Variants in FIZ1 observed in about 807,000 individuals in gnomAD.
FIZ1 encodes the protein FLT3 interacting zinc finger 1, also known as flt3-interacting zinc finger protein 1.
Under a neutral mutation model 5.3 loss-of-function variants are expected in FIZ1, and 2 were observed. That is an observed-to-expected ratio of 0.37 (90% CI 0.15 to 1.18). FIZ1 has a LOEUF of 1.18. FIZ1 is among the 50% of genes most tolerant of loss of function. FIZ1 has a pLI of 0.37. For synonymous variants in FIZ1, 407 were observed against 364.2 expected, an observed-to-expected ratio of 1.12 and a Z score of -1.34; for missense variants, 631 against 749.7, an observed-to-expected ratio of 0.84 and a Z score of 1.85.
Position 55,593,770 on chromosome 19 carries a change from G to T in FIZ1, c.295-124C>A, listed in dbSNP as rs1200684618. The T allele has an allele frequency of 5.9e-6, 5 of 847,468 alleles. No homozygotes were observed. Among genetic ancestry groups the T allele is most frequent in the Non-Finnish European group, 9.4e-6 (5 of 531,746 alleles). 52.5% of individuals were successfully genotyped at this position (847,468 alleles called of 1,614,324 possible). Reference sequence around the variant, plus strand: ...CACACCTACAGGGCCATGATCTAGGGAAACGCTCGTCCTATCACTCTCTGT... The same window carrying T: ...CACACCTACAGGGCCATGATCTAGGTAAACGCTCGTCCTATCACTCTCTGT... On this transcript the variant is annotated intron_variant, in intron 2 of 2. Coordinates refer to ENST00000221665, the MANE Select transcript of FIZ1 (RefSeq NM_032836.3). The surrounding 1 kb of genome is among the most constrained non-coding windows in gnomAD (Gnocchi z 6.3).
At chr19:55,598,255 C>T (rs1414727610) in intron 1 of FIZ1, 3 of 224,284 alleles carry the variant, frequency 1.3e-5, no homozygotes, top group Admixed American at 5.0e-5. Context: ...CCTTCAAAGT[C>T]CCCCACAATG....
intron 2 of FIZ1, among the ~76,000 whole-genome samples, chr19:55,594,696 CA>C (rs71181796): frequency 0.16 from 13,556 of 86,480 alleles, 293 homozygotes; most frequent in Admixed American, 0.2. Flanking sequence ...GACTCTGTCT[CA>C]AAAAAAAAAA....
chr19:55,593,042 C>T lies in FIZ1; in HGVS notation c.899G>A (p.Gly300Asp). The T allele has an allele frequency of 7.1e-6, 10 of 1,403,144 alleles. No individual in the cohort carries two copies. The highest frequency in any genetic ancestry group is 3.1e-5 in the African/African-American group (2 of 65,160). The allele number at this position is 1,403,144 out of a possible 1,614,324, so 86.9% of individuals were successfully genotyped here. The stretch of plus-strand genomic sequence containing the variant: ...CAGCCCCCCGAGCTTGGGCACGCCG[C>T]CCCCCGCGGGGCCCAGGAGCAGCCT... ...DRRLLLGPAG[G>D]GVPKLGGLLP... Residue 300 changes from glycine to aspartate, a missense_variant, in exon 3 of 3, where the codon GGC becomes GAC. Coordinates refer to ENST00000221665, the MANE Select transcript of FIZ1 (RefSeq NM_032836.3). This position sits in a 1 kb window ranked among gnomAD's most constrained non-coding sequence, Gnocchi z 6.3.
chr19:55,592,935 C>A lies in FIZ1; in HGVS notation c.1006G>T (p.Gly336Trp). 6.4e-7 allele frequency: 1 copy of A among 1,556,688 alleles called. No individual in the cohort carries two copies. Among genetic ancestry groups the A allele is most frequent in the East Asian group, 2.4e-5 (1 of 40,860 alleles). Residue 336 changes from glycine (G) to tryptophan (W), a missense_variant, in exon 3 of 3, where the codon GGG becomes TGG. Transcript: ENST00000221665. This position sits in a 1 kb window ranked among gnomAD's most constrained non-coding sequence, Gnocchi z 6.9. Reference protein sequence around the residue: ...SEDTLYQCDCGTFFASAAALA... With the variant: ...SEDTLYQCDCWTFFASAAALA... ...GCCGCGGCCGACGCAAAGAAGGTCC[C>A]GCAGTCGCACTGGTACAGGGTGTCT...
Position 55,592,937 on chromosome 19 carries a change from C to A in FIZ1, c.1004G>T (p.Cys335Phe). 1 of 1,557,548 alleles carries A rather than the reference C, an allele frequency of 6.4e-7. No individual in the cohort carries two copies. The highest frequency in any genetic ancestry group is 8.6e-7 in the Non-Finnish European group (1 of 1,159,670). ...PSEDTLYQCD[C>F]GTFFASAAAL... ...CGCGGCCGACGCAAAGAAGGTCCCGCAGTCGCACTGGTACAGGGTGTCTTC... is the reference window on the plus strand; with the variant it reads ...CGCGGCCGACGCAAAGAAGGTCCCGAAGTCGCACTGGTACAGGGTGTCTTC... The change falls in exon 3 of 3, where the codon TGC (cysteine) becomes TTC (phenylalanine). Residue 335 changes from cysteine (C) to phenylalanine (F), a missense_variant. Physicochemically the swap from Cys to Phe is radical, Grantham distance 205. This residue lies in a region of FIZ1 where 463 missense variants were observed against 455.1 expected (regional missense o/e 1.02). Transcript: ENST00000221665. The surrounding 1 kb of genome is among the most constrained non-coding windows in gnomAD (Gnocchi z 6.9).
At chr19:55,597,999 A>G (rs1980414223) in intron 1 of FIZ1, 98 bp from the exon 2 acceptor site, 5 of 1,285,962 alleles carry the variant, frequency 3.9e-6, no homozygotes, top group Non-Finnish European at 4.2e-6. Flanking sequence ...CCCCTGGGAG[A>G]CCCTCCCACT....
chr19:55,597,818 A>T lies in FIZ1; in HGVS notation c.48T>A (p.Ala16=), dbSNP rs755425458. The part of the protein sequence containing the change: ...APTPAPAPPA[A]AAPRVPFHCS... ...AGTGAAACGGGACCCTGGGGGCGGC[A>T]GCGGCGGGCGGTGCTGGTGCAGGGG... is the stretch of plus-strand genomic sequence containing the variant. The change falls in exon 2 of 3, where the codon GCT becomes GCA. Residue 16 remains alanine (A), a synonymous_variant. Transcript: ENST00000221665. The T allele has an allele frequency of 5.0e-6, 8 of 1,610,494 alleles. No homozygotes were observed. The East Asian group carries it at 1.8e-4, about 36-fold the overall frequency.
chr19:55,599,108 T>G (rs920072642), intron 1 of FIZ1: 6 of 152,520 alleles, frequency 3.9e-5, no homozygotes, highest in Admixed American at 2.0e-4. Flanking sequence ...CCATTTTCTA[T>G]CCAGACTCTC....
chr19:55,597,832 C>T lies in FIZ1; in HGVS notation c.34G>A (p.Ala12Thr). 6.2e-7 allele frequency: 1 copy of T among 1,608,260 alleles called. No individual in the cohort carries two copies. Among genetic ancestry groups the T allele is most frequent in the South Asian group, 1.1e-5 (1 of 90,604 alleles). ...CTGGGGGCGGCAGCGGCGGGCGGTG[C>T]TGGTGCAGGGGTTGGGGCGGGGACG... ...DDVPAPTPAP[A>T]PPAAAAPRVP... Residue 12 changes from alanine (A) to threonine (T), a missense_variant, in exon 2 of 3, where the codon GCA becomes ACA. Transcript: ENST00000221665.
intron 2 of FIZ1, 68 bp downstream of exon 2, chr19:55,597,504 G>C: frequency 2.6e-6 from 4 of 1,534,100 alleles, no homozygotes; most frequent in Admixed American, 1.9e-5. Context: ...CCAGAGTACA[G>C]TGGGGCGCGG....
chr19:55,594,170 T>C (rs923325593), intron 2 of FIZ1, among the ~76,000 whole-genome samples: 2 of 150,698 alleles, frequency 1.3e-5, no homozygotes, highest in African/African-American at 4.9e-5. Flanking sequence ...GGGTGGATCA[T>C]TTGAGGTCAA....
intron 1 of FIZ1, chr19:55,599,163 T>A (rs1040732063): frequency 1.3e-5 from 2 of 152,564 alleles, no homozygotes; most frequent in African/African-American, 4.8e-5. Context: ...TCCGCCCAAC[T>A]CAGGCTCCTC....
Position 55,593,792 on chromosome 19 carries a change from C to T in FIZ1, c.295-146G>A. The T allele has an allele frequency of 1.3e-6, 1 of 750,494 alleles. No individual in the cohort carries two copies. Among genetic ancestry groups the T allele is most frequent in the Non-Finnish European group, 2.2e-6 (1 of 456,262 alleles). The allele number at this position is 750,494 out of a possible 1,614,324, so 46.5% of individuals were successfully genotyped here. A position where few individuals can be genotyped will look rare whatever the true frequency, so the allele number is the denominator to read the frequency against. On this transcript the variant is annotated intron_variant, in intron 2 of 2. Coordinates refer to ENST00000221665, the MANE Select transcript of FIZ1 (RefSeq NM_032836.3). This position sits in a 1 kb window ranked among gnomAD's most constrained non-coding sequence, Gnocchi z 6.3. The stretch of plus-strand genomic sequence containing the variant: ...AGGGAAACGCTCGTCCTATCACTCT[C>T]TGTTTGGGGTCACGGTAGATTCTTT...
Position 55,592,833 on chromosome 19 carries a change from G to C in FIZ1, c.1108C>G (p.Leu370Val). Residue 370 changes from leucine to valine, a missense_variant, in exon 3 of 3, where the codon CTG becomes GTG. By Grantham distance (32) the Leu-to-Val change is conservative (BLOSUM62 1). Transcript: ENST00000221665. This position sits in a 1 kb window ranked among gnomAD's most constrained non-coding sequence, Gnocchi z 6.9. ...CGHCGALYAA[L>V]AALEEHRRVS... ...CGCCGGTGCTCCTCCAAGGCGGCCA[G>C]CGCCGCGTACAGAGCCCCGCAGTGG... is the stretch of plus-strand genomic sequence containing the variant. 6.4e-7 allele frequency: 1 copy of C among 1,567,894 alleles called. No homozygotes were observed. Among genetic ancestry groups the C allele is most frequent in the South Asian group, 1.1e-5 (1 of 88,258 alleles).
chr19:55,596,775 C>T (rs963369364), intron 2 of FIZ1, among the ~76,000 whole-genome samples: 2 of 152,136 alleles, frequency 1.3e-5, no homozygotes, highest in African/African-American at 4.8e-5. Context: ...CGGGTCCAGG[C>T]GATTCTCCTG....
In FIZ1 at chr19:55,595,968, G is replaced by A. The variant is rs187833795; in HGVS notation, c.294+1604C>T. ...AGTTCACATCTCCCACATTTGACTC[G>A]AGGCCATACAAAGGGTGGACTGTAT... On this transcript the variant is annotated intron_variant, in intron 2 of 2. Coordinates refer to ENST00000221665, the MANE Select transcript of FIZ1 (RefSeq NM_032836.3). Among the ~76,000 whole-genome samples the A allele has an allele frequency of 1.1e-4, 17 of 152,254 alleles. No homozygotes were observed. The South Asian group carries it at 1.5e-3, about 13-fold the overall frequency.
Position 55,597,705 on chromosome 19 carries a change from G to A in FIZ1, c.161C>T (p.Pro54Leu). 6.2e-7 allele frequency: 1 copy of A among 1,614,048 alleles called. No homozygotes were observed. The highest frequency in any genetic ancestry group is 8.5e-7 in the Non-Finnish European group (1 of 1,179,936). ...RHTALKPHAC[P>L]RCGKGFKHSF... Reference sequence around the variant, plus strand: ...GTGCTTGAAACCCTTGCCGCAGCGCGGACATGCGTGGGGCTTGAGCGCTGT... The same window carrying A: ...GTGCTTGAAACCCTTGCCGCAGCGCAGACATGCGTGGGGCTTGAGCGCTGT... The change falls in exon 2 of 3, where the codon CCG becomes CTG. Residue 54 changes from proline (P) to leucine (L), a missense_variant. Physicochemically the swap from Pro to Leu is moderately conservative, Grantham distance 98. This residue lies in a region of FIZ1 where 68 missense variants were observed against 163.4 expected (regional missense o/e 0.42). Transcript: ENST00000221665.
In FIZ1 at chr19:55,592,662, G is replaced by A. The variant is rs769485749; in HGVS notation, c.1279C>T (p.Arg427Ter). 1.9e-6 allele frequency: 3 copies of A among 1,613,418 alleles called. No individual in the cohort carries two copies. In the Admixed American group the frequency reaches 5.0e-5, roughly 27 times the overall value. The change falls in exon 3 of 3, where the codon CGA becomes TGA. Residue 427 changes from arginine to a stop codon, truncating the protein, a stop_gained. Coordinates refer to ENST00000221665, the MANE Select transcript of FIZ1 (RefSeq NM_032836.3). LOFTEE classifies it low-confidence loss of function (END_TRUNC). This position sits in a 1 kb window ranked among gnomAD's most constrained non-coding sequence, Gnocchi z 6.9. ...ACCAGCACGTGCCGCTCCAGGTCTC[G>A]CGGTGAGCGGAACAGCTTCTCGCAC... ...SECEKLFRSPRDLERHVLVHT... is the reference protein window; with the variant it reads ...SECEKLFRSP
rs1980394950 is a variant in FIZ1 at position 55,597,725 on chromosome 19, C to G, written c.141G>C (p.Ala47=). ...DLRRHFARHT[A]LKPHACPRCG... ...AGCGCGGACATGCGTGGGGCTTGAG[C>G]GCTGTGTGCCGGGCAAAGTGGCGCC... is the stretch of plus-strand genomic sequence containing the variant. The change falls in exon 2 of 3, where the codon GCG becomes GCC. Residue 47 remains alanine (A), a synonymous_variant. Coordinates refer to ENST00000221665, the MANE Select transcript of FIZ1 (RefSeq NM_032836.3). 3.7e-6 allele frequency: 6 copies of G among 1,613,894 alleles called. No individual in the cohort carries two copies. The highest frequency in any genetic ancestry group is 1.3e-5 in the African/African-American group (1 of 74,912).
Sources: gnomAD v4.1 joint callset for allele counts (sites outside exome capture counted in the v4.1 genomes callset) on GRCh38, gnomAD v4.1.1 for gene constraint, gnomAD v4.1.1 regional missense constraint, Gnocchi (gnomAD v3.1) non-coding constraint, MANE v1.5 for transcripts, NCBI Gene and HGNC (gene_info 2026-07-23, HGNC 2026-07-21) for gene names.